Variants in ITPK1 observed in about 807,000 individuals in gnomAD.
The protein encoded by ITPK1 is inositol 1,3,4-trisphosphate 5/6-kinase.
ITPK1 carries 21 observed loss-of-function variants against 45.3 expected under a neutral mutation model. The observed-to-expected ratio is 0.46, with a 90% confidence interval of 0.33 to 0.67. ITPK1 has a LOEUF of 0.67. Among genes scored for constraint, ITPK1 ranks in the 30% least tolerant of loss-of-function variants. ITPK1 has a pLI of 0.02. For synonymous variants in ITPK1, 258 were observed against 253.6 expected (o/e 1.02, Z -0.16); for missense variants, 474 against 573.5 (o/e 0.83, Z 1.77).
intron 6 of ITPK1, 142 bp from the exon 7 acceptor site, chr14:92,962,537 G>T: frequency 1.3e-6 from 1 of 756,108 alleles, no homozygotes; most frequent in Non-Finnish European, 2.4e-6. Flanking sequence ...TGACGTGTGG[G>T]TAGACACCCC....
At chr14:93,111,972 C>T (rs1366514095) in intron 2 of ITPK1, among the ~76,000 whole-genome samples, 4 of 152,220 alleles carry the variant, frequency 2.6e-5, no homozygotes, top group South Asian at 2.1e-4. Flanking sequence ...TCCCTACCTA[C>T]GGCAGGTGGG....
chr14:92,938,288 A>T lies in ITPK1; in HGVS notation c.*3273T>A. On this transcript the variant is annotated 3_prime_UTR_variant, in exon 11 of 11. Transcript: ENST00000267615. ...TTCTAGGGAATAGAAGAGAGGGCAG[A>T]TACAGACCCCAGGGACATTAGTGAA... The T allele has an allele frequency of 1.6e-6, 1 of 621,472 alleles. No individual in the cohort carries two copies. The highest frequency in any genetic ancestry group is 2.7e-5 in the Admixed American group (1 of 37,258). 38.5% of individuals were successfully genotyped at this position (621,472 alleles called of 1,614,324 possible). A position where few individuals can be genotyped will look rare whatever the true frequency, so the allele number is the denominator to read the frequency against.
rs1887327451 is a variant in ITPK1 at position 92,940,772 on chromosome 14, C to T, written c.*789G>A. 2 of 1,289,078 alleles carry T rather than the reference C, an allele frequency of 1.6e-6. No homozygotes were observed. Among genetic ancestry groups the T allele is most frequent in the African/African-American group, 1.5e-5 (1 of 65,878 alleles). The allele number at this position is 1,289,078 out of a possible 1,614,324, so 79.9% of individuals were successfully genotyped here. A position where few individuals can be genotyped will look rare whatever the true frequency, so the allele number is the denominator to read the frequency against. ...ATTTGCCCAAATCACAGCACAAATC[C>T]TCAGCACAGGCGCCATCGGCTCGGG... On this transcript the variant is annotated 3_prime_UTR_variant, in exon 11 of 11. Coordinates refer to ENST00000267615, the MANE Select transcript of ITPK1 (RefSeq NM_014216.6).
chr14:92,959,408 C>G (rs550645698), intron 7 of ITPK1, among the ~76,000 whole-genome samples: 8 of 152,222 alleles, frequency 5.3e-5, no homozygotes, highest in African/African-American at 1.9e-4. Context: ...GCCGGCCCTA[C>G]GTGCCTGGAG....
At chr14:93,091,600 C>T (rs988054036) in intron 2 of ITPK1, among the ~76,000 whole-genome samples, 5 of 152,210 alleles carry the variant, frequency 3.3e-5, no homozygotes, top group Non-Finnish European at 2.9e-5. Context: ...CTCGGTTTTC[C>T]GGCCTGGAAA....
chr14:93,011,284 T>C (rs191578890), intron 4 of ITPK1, among the ~76,000 whole-genome samples: 1 of 152,354 alleles, frequency 6.6e-6, no homozygotes, highest in East Asian at 1.9e-4. Context: ...GCTAAGCCTG[T>C]GCTGGGTGAG....
At position 92,941,158 on chromosome 14, in the gene ITPK1, C is replaced by T. The variant is rs980513188; in HGVS notation, c.*403G>A. ...ACATGCACCGATCAGCCTCCCACAG[C>T]CCGACATGGGCAGGCTTCCCCCAAG... On this transcript the variant is annotated 3_prime_UTR_variant, in exon 11 of 11. Transcript: ENST00000267615. 2.1e-5 allele frequency: 25 copies of T among 1,211,026 alleles called. No individual in the cohort carries two copies. In the South Asian group the frequency reaches 3.4e-4, roughly 16 times the overall value. 75.0% of individuals were successfully genotyped at this position (1,211,026 alleles called of 1,614,324 possible).
At chr14:93,045,914 A>T (rs980640763) in intron 3 of ITPK1, among the ~76,000 whole-genome samples, 1 of 152,048 alleles carries the variant, frequency 6.6e-6, no homozygotes, top group Non-Finnish European at 1.5e-5. Context: ...AGTGCCCCCA[A>T]ATGAGGACCC....
At chr14:93,085,015 G>A (rs1891592059) in intron 2 of ITPK1, among the ~76,000 whole-genome samples, 1 of 152,198 alleles carries the variant, frequency 6.6e-6, no homozygotes, top group East Asian at 1.9e-4. Flanking sequence ...CAGACCCTGG[G>A]CCTGGCAGGC....
Position 92,940,728 on chromosome 14 carries a change from G to A in ITPK1, c.*833C>T. Reference sequence around the variant, plus strand: ...TGTCCACTAGAGACAAGGGGGTGGAGGCCCAAAGACCTGGAATGATTTGCC... The same window carrying A: ...TGTCCACTAGAGACAAGGGGGTGGAAGCCCAAAGACCTGGAATGATTTGCC... On this transcript the variant is annotated 3_prime_UTR_variant, in exon 11 of 11. Transcript: ENST00000267615. 7.8e-7 allele frequency: 1 copy of A among 1,289,032 alleles called. No individual in the cohort carries two copies. The highest frequency in any genetic ancestry group is 2.3e-5 in the Admixed American group (1 of 43,516). The allele number at this position is 1,289,032 out of a possible 1,614,324, so 79.8% of individuals were successfully genotyped here.
intron 2 of ITPK1, among the ~76,000 whole-genome samples, chr14:93,109,892 G>C (rs143161938): frequency 6.6e-6 from 1 of 152,156 alleles, no homozygotes; most frequent in African/African-American, 2.4e-5. Context: ...AAAGGCCAAA[G>C]GTCCCTGAAT....
At chr14:93,059,281 G>A in intron 3 of ITPK1, among the ~76,000 whole-genome samples, 1 of 70,646 alleles carries the variant, frequency 1.4e-5, no homozygotes, top group African/African-American at 6.4e-5. Flanking sequence ...GGCAGGGGTG[G>A]AGGGAGTATG....
At chr14:93,055,637 G>C (rs550272703) in intron 3 of ITPK1, among the ~76,000 whole-genome samples, 1 of 152,244 alleles carries the variant, frequency 6.6e-6, no homozygotes, top group African/African-American at 2.4e-5. Context: ...CTGCGCATGA[G>C]CTCGGGACTC....
At chr14:93,019,819 G>A (rs1364648150) in intron 3 of ITPK1, among the ~76,000 whole-genome samples, 5 of 152,174 alleles carry the variant, frequency 3.3e-5, no homozygotes, top group Admixed American at 3.3e-4. Flanking sequence ...ATGCCCGGGG[G>A]GAAGGACACC....
intron 2 of ITPK1, among the ~76,000 whole-genome samples, chr14:93,107,408 A>G (rs1320864365): frequency 2.6e-5 from 4 of 152,250 alleles, no homozygotes; most frequent in African/African-American, 9.6e-5. Flanking sequence ...AGCAAGTCAG[A>G]GAGGAAGAAC....
rs747022774 is a variant in ITPK1, at chr14:93,106,565, T to C, written c.95+8504A>G. On this transcript the variant is annotated intron_variant, in intron 2 of 10. Coordinates refer to ENST00000267615, the MANE Select transcript of ITPK1 (RefSeq NM_014216.6). ...AGAGCTCTAGGCCCCTCTTGCTGAA[T>C]GTCGCCTCCTTAGAGAGGCCTTCTC... 3.9e-5 allele frequency among the ~76,000 whole-genome samples: 6 copies of C among 152,204 alleles called. No homozygotes were observed. The East Asian group carries it at 7.7e-4, about 20-fold the overall frequency.
At chr14:92,994,062 C>A in intron 4 of ITPK1, 65 bp from the exon 5 acceptor site, 1 of 1,023,842 alleles carries the variant, frequency 9.8e-7, no homozygotes, top group South Asian at 1.3e-5. Flanking sequence ...TCACCCCTCG[C>A]GCCCTCTGCA....
In ITPK1 at chr14:92,958,704, T is replaced by C. The variant is rs886307908; in HGVS notation, c.505-338A>G. 1.3e-5 allele frequency among the ~76,000 whole-genome samples: 2 copies of C among 152,178 alleles called. No individual in the cohort carries two copies. Among genetic ancestry groups the C allele is most frequent in the African/African-American group, 2.4e-5 (1 of 41,432 alleles). Reference sequence around the variant, plus strand: ...GGGGGCCGCTGAGGTTGTGTGCTGCTCAACCCTCTGACATCCTAAAGGATC... The same window carrying C: ...GGGGGCCGCTGAGGTTGTGTGCTGCCCAACCCTCTGACATCCTAAAGGATC... On this transcript the variant is annotated intron_variant, in intron 7 of 10. Transcript: ENST00000267615. This position sits in a 1 kb window ranked among gnomAD's most constrained non-coding sequence, Gnocchi z 4.4.
At chr14:92,971,561 C>A (rs1197052315) in intron 5 of ITPK1, among the ~76,000 whole-genome samples, 1 of 152,172 alleles carries the variant, frequency 6.6e-6, no homozygotes, top group Non-Finnish European at 1.5e-5. Context: ...TGGGGAGGGT[C>A]CAAGAAGTAG....
Sources: gnomAD v4.1 joint callset for allele counts (sites outside exome capture counted in the v4.1 genomes callset) on GRCh38, gnomAD v4.1.1 for gene constraint, Gnocchi (gnomAD v3.1) non-coding constraint, MANE v1.5 for transcripts, NCBI Gene and HGNC (gene_info 2026-07-23, HGNC 2026-07-21) for gene names.